PDE4D: variants seen among roughly 807,000 people sequenced by gnomAD.
PDE4D encodes 3',5'-cyclic-AMP phosphodiesterase 4D.
PDE4D carries 24 observed loss-of-function variants against 87.4 expected under a neutral mutation model. The observed-to-expected ratio is 0.27, with a 90% CI of 0.20 to 0.39. PDE4D has a LOEUF of 0.39. PDE4D is among the 10% of genes least tolerant of loss of function. PDE4D has a pLI of 1.00. For synonymous variants in PDE4D, 384 were observed against 383.2 expected (o/e 1.00, Z -0.02); for missense variants, 714 against 1,041.0 (o/e 0.69, Z 4.32).
chr5:59,907,666 C>G (rs62371465), intron 3 of PDE4D, among the ~76,000 whole-genome samples: 1 of 152,086 alleles, frequency 6.6e-6, no homozygotes, highest in African/African-American at 2.4e-5. Flanking sequence ...ATAACATTCT[C>G]TCTGCGTTTA....
chr5:60,073,246 C>T (rs1772923440), intron 2 of PDE4D, among the ~76,000 whole-genome samples: 1 of 151,928 alleles, frequency 6.6e-6, no homozygotes, highest in Admixed American at 6.6e-5. Flanking sequence ...TATCAAAAGC[C>T]TTTGTGCATC....
intron 3 of PDE4D, among the ~76,000 whole-genome samples, chr5:59,907,405 A>G (rs796630409): frequency 5.3e-5 from 8 of 152,272 alleles, no homozygotes; most frequent in African/African-American, 1.9e-4. Context: ...CAAAGAAAGA[A>G]ACAATAGACA....
chr5:59,214,032 TCACACACACA>T lies in PDE4D; in HGVS notation c.647+1735_647+1744del, dbSNP rs199738839. Among the ~76,000 whole-genome samples the T allele has an allele frequency of 8.6e-3, 1,137 of 132,764 alleles. 13 individuals carry two copies. Among genetic ancestry groups the T allele is most frequent in the African/African-American group, 0.03 (1,055 of 35,170 alleles). 87.1% of individuals were successfully genotyped at this position (132,764 alleles called of 152,430 possible). ...CTGTCCCCCAACATACATACATACT[TCACACACACA>T]CACACACACACACACACACACACAC... is the stretch of plus-strand genomic sequence containing the variant. On this transcript the variant is annotated intron_variant, in intron 2 of 14. Coordinates refer to ENST00000340635, the MANE Select transcript of PDE4D (RefSeq NM_001104631.2).
chr5:59,425,527 T>C (rs1488726730), intron 1 of PDE4D, among the ~76,000 whole-genome samples: 4 of 152,130 alleles, frequency 2.6e-5, no homozygotes, highest in African/African-American at 9.7e-5. Flanking sequence ...GAGGGTAGAA[T>C]TGCGTCAGTT....
upstream of PDE4D, among the ~76,000 whole-genome samples, chr5:59,897,429 G>C (rs1019336185): frequency 1.3e-5 from 2 of 151,994 alleles, no homozygotes; most frequent in African/African-American, 4.8e-5. Context: ...TTTCTATCTT[G>C]GCAATGGGAG....
chr5:59,664,488 T>C (rs1336515142), intron 1 of PDE4D, among the ~76,000 whole-genome samples: 1 of 152,232 alleles, frequency 6.6e-6, no homozygotes. Flanking sequence ...AGTTGATTCA[T>C]GAACTGCTTG....
At chr5:59,006,570 A>T (rs1185730009) in intron 6 of PDE4D, among the ~76,000 whole-genome samples, 8 of 151,784 alleles carry the variant, frequency 5.3e-5, no homozygotes, top group African/African-American at 1.9e-4. Flanking sequence ...TGACAGAGCA[A>T]GACCTTGTCT....
At chr5:60,078,848 C>G (rs1375247153) in intron 2 of PDE4D, among the ~76,000 whole-genome samples, 1 of 152,114 alleles carries the variant, frequency 6.6e-6, no homozygotes, top group African/African-American at 2.4e-5. Context: ...AATAAACATA[C>G]AAGTGCATGT....
chr5:59,865,823 A>G (rs979510047), intron 1 of PDE4D, among the ~76,000 whole-genome samples: 3 of 152,172 alleles, frequency 2.0e-5, no homozygotes, highest in Non-Finnish European at 4.4e-5. Flanking sequence ...TGCTATTACC[A>G]CTGATGAGGA....
At chr5:59,758,227 A>G (rs1348218675) in intron 1 of PDE4D, among the ~76,000 whole-genome samples, 1 of 152,206 alleles carries the variant, frequency 6.6e-6, no homozygotes, top group Non-Finnish European at 1.5e-5. Context: ...GGGCCTCAGC[A>G]GCTGCATATG....
At chr5:59,177,156 T>G (rs1218753018) in intron 5 of PDE4D, among the ~76,000 whole-genome samples, 3 of 152,122 alleles carry the variant, frequency 2.0e-5, no homozygotes. Flanking sequence ...GGTGATTAGG[T>G]CGTGAGGGTG....
intron 1 of PDE4D, among the ~76,000 whole-genome samples, chr5:59,757,121 C>A (rs1484203384): frequency 6.6e-6 from 1 of 152,102 alleles, no homozygotes; most frequent in Non-Finnish European, 1.5e-5. Flanking sequence ...TAGGAACTTA[C>A]AGTCCAGCTA....
chr5:58,990,594 A>C (rs1406993808), intron 9 of PDE4D, among the ~76,000 whole-genome samples: 1 of 152,200 alleles, frequency 6.6e-6, no homozygotes, highest in African/African-American at 2.4e-5. Context: ...AAATGCAAAA[A>C]AAATAACAAA....
At chr5:59,338,570 T>C (rs980022375) in intron 1 of PDE4D, among the ~76,000 whole-genome samples, 1 of 152,150 alleles carries the variant, frequency 6.6e-6, no homozygotes, top group Non-Finnish European at 1.5e-5. Context: ...CTTTTGAAAG[T>C]CATTACCATT....
intron 1 of PDE4D, among the ~76,000 whole-genome samples, chr5:59,650,800 C>A (rs1271854731): frequency 6.6e-6 from 1 of 152,006 alleles, no homozygotes; most frequent in African/African-American, 2.4e-5. Context: ...GCACTCACTT[C>A]TCCATAATTT....
intron 1 of PDE4D, among the ~76,000 whole-genome samples, chr5:59,521,165 A>C (rs780220474): frequency 3.9e-4 from 59 of 152,084 alleles, no homozygotes; most frequent in Non-Finnish European, 6.8e-4. Context: ...CTGAGGCAGG[A>C]CTAGGACAGC....
chr5:59,678,447 C>T (rs546872438), intron 1 of PDE4D, among the ~76,000 whole-genome samples: 1 of 151,924 alleles, frequency 6.6e-6, no homozygotes, highest in Admixed American at 6.6e-5. Flanking sequence ...TATGGAAGTA[C>T]CACAATTTAG....
At chr5:60,374,125 C>A (rs565182493) in intron 1 of PDE4D, among the ~76,000 whole-genome samples, 1 of 152,118 alleles carries the variant, frequency 6.6e-6, no homozygotes, top group Non-Finnish European at 1.5e-5. Flanking sequence ...ACAGGTGAGC[C>A]AGGATTGCTG....
chr5:60,448,373 C>T (rs1745818610), intron 1 of PDE4D, among the ~76,000 whole-genome samples: 1 of 152,120 alleles, frequency 6.6e-6, no homozygotes, highest in Admixed American at 6.6e-5. Context: ...GTTATTAGTT[C>T]ATAAATTTAA....
Sources: gnomAD v4.1 joint callset for allele counts (sites outside exome capture counted in the v4.1 genomes callset) on GRCh38, gnomAD v4.1.1 for gene constraint, MANE v1.5 for transcripts, NCBI Gene and HGNC (gene_info 2026-07-23, HGNC 2026-07-21) for gene names.